TCF20: variants seen among roughly 807,000 people sequenced by gnomAD.
TCF20 encodes transcription factor 20.
TCF20 carries 3 observed loss-of-function variants against 148.6 expected under a neutral mutation model. The ratio of observed to expected loss-of-function variants is 0.02; its 90% CI spans 0.01 to 0.05. The LOEUF (loss-of-function observed/expected upper bound fraction) is 0.05, where lower values mean the gene tolerates loss of function less well. Ranked by LOEUF, TCF20 falls within the 10% of genes least tolerant of loss-of-function variation. TCF20 has a pLI of 1.00. For missense variants in TCF20, 2,350 were observed against 2,429.3 expected (o/e 0.97, Z 0.69); for synonymous variants, 1,049 against 909.5 (o/e 1.15, Z -2.76).
intron 1 of TCF20, among the ~76,000 whole-genome samples, chr22:42,280,333 G>A (rs1390580987): frequency 6.6e-6 from 1 of 152,202 alleles, no homozygotes; most frequent in Non-Finnish European, 1.5e-5. Context: ...ACTCCGCCAC[G>A]TATGAGGGGC....
chr22:42,228,377 T>C (rs1281118144), intron 1 of TCF20, among the ~76,000 whole-genome samples: 2 of 152,246 alleles, frequency 1.3e-5, no homozygotes, highest in Non-Finnish European at 2.9e-5. Context: ...ACACAAGCCA[T>C]GTGCCAGCCA....
intron 1 of TCF20, among the ~76,000 whole-genome samples, chr22:42,229,243 T>C (rs1923183877): frequency 6.6e-6 from 1 of 152,096 alleles, no homozygotes; most frequent in South Asian, 2.1e-4. Flanking sequence ...ATGTCCATAA[T>C]TATGGAATGG....
In TCF20 at chr22:42,210,089, A is replaced by G. The variant is rs774079358; in HGVS notation, c.5217T>C (p.Pro1739=). The change falls in exon 2 of 6, where the codon CCT becomes CCC. Residue 1739 remains proline, a synonymous_variant. Transcript: ENST00000677622. This position sits in a 1 kb window ranked among gnomAD's most constrained non-coding sequence, Gnocchi z 4.7. ...TGCTCTGCATTTCTGTGGCCCTCTT[A>G]GGAGGTGGATTCTTCGGGAGAGTGG... The part of the protein sequence containing the change: ...YAATLPKNPP[P]KRATEMQSKV... 1.9e-6 allele frequency: 3 copies of G among 1,613,930 alleles called. No homozygotes were observed. Among genetic ancestry groups the G allele is most frequent in the Non-Finnish European group, 2.5e-6 (3 of 1,180,018 alleles).
At chr22:42,244,322 A>C (rs1400986582) in intron 1 of TCF20, among the ~76,000 whole-genome samples, 1 of 152,232 alleles carries the variant, frequency 6.6e-6, no homozygotes. Context: ...ATCCAAACAA[A>C]TAGATATACA....
At chr22:42,187,788 A>C (rs556747082) in intron 2 of TCF20, among the ~76,000 whole-genome samples, 1 of 152,352 alleles carries the variant, frequency 6.6e-6, no homozygotes, top group South Asian at 2.1e-4. Context: ...TTCATCTACC[A>C]AACAGAGGAT....
intron 1 of TCF20, among the ~76,000 whole-genome samples, chr22:42,223,304 G>T (rs966176378): frequency 2.6e-5 from 4 of 152,176 alleles, no homozygotes; most frequent in Non-Finnish European, 4.4e-5. Flanking sequence ...TCTAGGACAA[G>T]TTGGAGCTGA....
chr22:42,331,178 G>A (rs143887705), intron 1 of TCF20, among the ~76,000 whole-genome samples: 4,008 of 152,338 alleles, frequency 0.026, 84 homozygotes, highest in Non-Finnish European at 0.042. Flanking sequence ...CAGCGCCGCG[G>A]AGCGCGACTG....
rs775187433 is a variant in TCF20 at position 42,210,112 on chromosome 22, T to C, written c.5194A>G (p.Thr1732Ala). 6.4e-5 allele frequency: 103 copies of C among 1,613,816 alleles called. No individual in the cohort carries two copies. Among genetic ancestry groups the C allele is most frequent in the Non-Finnish European group, 8.4e-5 (99 of 1,179,994 alleles). The part of the protein sequence containing the change: ...GPFYPQDYAA[T>A]LPKNPPPKRA... ...TTAGGAGGTGGATTCTTCGGGAGAG[T>C]GGCTGCATAATCTTGGGGATAAAAA... The change falls in exon 2 of 6, where the codon ACT becomes GCT. Residue 1732 changes from threonine (T) to alanine (A), a missense_variant. Around this residue, in one of 7 missense-constraint regions of TCF20, gnomAD observed 374 missense variants for 398.3 expected, o/e 0.94. Coordinates refer to ENST00000677622, the MANE Select transcript of TCF20 (RefSeq NM_001378418.1). The surrounding 1 kb of genome is among the most constrained non-coding windows in gnomAD (Gnocchi z 4.7).
intron 1 of TCF20, among the ~76,000 whole-genome samples, chr22:42,221,668 T>C (rs2099257899): frequency 6.6e-6 from 1 of 151,536 alleles, no homozygotes; most frequent in Non-Finnish European, 1.5e-5. Flanking sequence ...TGAAGAGAGT[T>C]GCAGGCAGGT....
At chr22:42,241,473 T>C (rs1212662169) in intron 1 of TCF20, among the ~76,000 whole-genome samples, 1 of 152,176 alleles carries the variant, frequency 6.6e-6, no homozygotes, top group Non-Finnish European at 1.5e-5. Context: ...TTGAAAAGAA[T>C]CACAACTGAA....
At chr22:42,319,893 G>A (rs113125694) in intron 1 of TCF20, among the ~76,000 whole-genome samples, 5 of 152,214 alleles carry the variant, frequency 3.3e-5, no homozygotes, top group African/African-American at 1.2e-4. Flanking sequence ...CCTGCAGGGT[G>A]TTTCCCAGGA....
chr22:42,213,316 T>C lies in TCF20; in HGVS notation c.1990A>G (p.Lys664Glu), dbSNP rs768428274. 1 of 1,614,206 alleles carries C rather than the reference T, an allele frequency of 6.2e-7. No individual in the cohort carries two copies. The highest frequency in any genetic ancestry group is 1.7e-5 in the Admixed American group (1 of 60,020). ...QPEPPGGGGS[K>E]GNKNGDNNSN... ...TTGTTATCGCCATTCTTGTTTCCTT[T>C]GCTCCCTCCTCCTCCTGGAGGCTCT... Residue 664 changes from lysine to glutamate, a missense_variant, in exon 2 of 6, where the codon AAA becomes GAA. Physicochemically the swap from Lys to Glu is moderately conservative, Grantham distance 56. Around this residue, in one of 7 missense-constraint regions of TCF20, gnomAD observed 1,641 missense variants for 1,662.6 expected, o/e 0.99. Transcript: ENST00000677622.
chr22:42,227,142 G>C (rs1232156327), intron 1 of TCF20, among the ~76,000 whole-genome samples: 1 of 152,124 alleles, frequency 6.6e-6, no homozygotes, highest in African/African-American at 2.4e-5. Context: ...AATTAGCTGG[G>C]CATGGTGGCA....
upstream of TCF20, among the ~76,000 whole-genome samples, chr22:42,272,993 C>T (rs1287621025): frequency 6.6e-6 from 1 of 152,070 alleles, no homozygotes; most frequent in African/African-American, 2.4e-5. Flanking sequence ...GAGACTCCCC[C>T]TCATCTCTAT....
At chr22:42,330,214 T>C (rs1168410935) in intron 1 of TCF20, among the ~76,000 whole-genome samples, 1 of 152,160 alleles carries the variant, frequency 6.6e-6, no homozygotes, top group African/African-American at 2.4e-5. Context: ...TGGGTCTCAA[T>C]TTCCTCATCT....
chr22:42,260,469 GA>G (rs530563223), intron 1 of TCF20, among the ~76,000 whole-genome samples: 6 of 152,254 alleles, frequency 3.9e-5, no homozygotes, highest in African/African-American at 1.4e-4. Flanking sequence ...GGAAAAACAG[GA>G]AACTAATAAT....
chr22:42,257,139 G>A (rs1044229573), intron 1 of TCF20, among the ~76,000 whole-genome samples: 1 of 152,192 alleles, frequency 6.6e-6, no homozygotes, highest in Non-Finnish European at 1.5e-5. Flanking sequence ...CAGCCTGGGT[G>A]ACAGTGCAAC....
chr22:42,238,846 G>A (rs552106446), intron 1 of TCF20, among the ~76,000 whole-genome samples: 8 of 152,208 alleles, frequency 5.3e-5, no homozygotes, highest in South Asian at 4.1e-4. Context: ...GGCCGGGCGC[G>A]GTGGCTCACG....
At chr22:42,327,038 T>C (rs986196726) in intron 1 of TCF20, among the ~76,000 whole-genome samples, 1 of 152,166 alleles carries the variant, frequency 6.6e-6, no homozygotes, top group Admixed American at 6.5e-5. Context: ...TATTCAATGA[T>C]GACTGTGTGC....
Sources: gnomAD v4.1 joint callset for allele counts (sites outside exome capture counted in the v4.1 genomes callset) on GRCh38, gnomAD v4.1.1 for gene constraint, gnomAD v4.1.1 regional missense constraint, Gnocchi (gnomAD v3.1) non-coding constraint, MANE v1.5 for transcripts, NCBI Gene and HGNC (gene_info 2026-07-23, HGNC 2026-07-21) for gene names.